The following RTL4 variants were observed in gnomAD, a reference collection of about 807,000 sequenced individuals.
RTL4 encodes the protein retrotransposon Gag like 4, also known as retrotransposon Gag-like protein 4.
A neutral mutation model predicts 5.3 loss-of-function variants in RTL4; 4 were observed. That is an observed-to-expected ratio of 0.75 (90% CI 0.37 to 1.72). The LOEUF is 1.72. Among genes scored for constraint, RTL4 ranks in the 40% most tolerant of loss-of-function variants. The pLI, the probability that RTL4 is intolerant of heterozygous loss-of-function variation, is 0.04. For missense variants in RTL4, 260 were observed against 227.1 expected (o/e 1.14, Z -0.93); for synonymous variants, 98 against 87.3 (o/e 1.12, Z -0.68).
At chrX:112,440,191 A>G in the RTL4 span, among the ~76,000 whole-genome samples, 1 of 112,098 alleles carries the variant, frequency 8.9e-6, no homozygotes, top group Admixed American at 9.5e-5. Flanking sequence ...AGCCATCCCT[A>G]GAGATATTGA....
the RTL4 span, among the ~76,000 whole-genome samples, chrX:112,440,320 T>G: frequency 1.8e-5 from 2 of 111,680 alleles, no homozygotes; most frequent in Non-Finnish European, 3.8e-5. Flanking sequence ...GGAACAAGTT[T>G]CTCTGGCGCA....
the RTL4 span, among the ~76,000 whole-genome samples, chrX:112,186,689 A>T: frequency 8.9e-6 from 1 of 112,004 alleles, no homozygotes; most frequent in Non-Finnish European, 1.9e-5. Context: ...GAATGCTGGG[A>T]TGTCAGAAAC....
chrX:112,249,777 TTA>T, the RTL4 span, among the ~76,000 whole-genome samples: 40 of 99,711 alleles, frequency 4.0e-4, no homozygotes, highest in African/African-American at 1.0e-3. Flanking sequence ...ATATATGTAA[TTA>T]TATATATATA....
chrX:112,436,216 C>G, the RTL4 span, among the ~76,000 whole-genome samples: 1 of 95,382 alleles, frequency 1.0e-5, no homozygotes, highest in South Asian at 5.1e-4. Context: ...CCATCTCAAA[C>G]ATAACAAAAC....
the RTL4 span, among the ~76,000 whole-genome samples, chrX:112,375,311 C>T: frequency 1.8e-5 from 2 of 110,994 alleles, no homozygotes; most frequent in East Asian, 5.8e-4. Context: ...CAAGTTGTCT[C>T]AAGTGGTTCT....
the RTL4 span, among the ~76,000 whole-genome samples, chrX:112,430,023 T>C: frequency 4.5e-5 from 5 of 111,631 alleles, no homozygotes; most frequent in African/African-American, 9.7e-5. Flanking sequence ...CTAGGTGTAT[T>C]TTCTGGCGTT....
At chrX:112,335,752 TTCA>T in the RTL4 span, among the ~76,000 whole-genome samples, 1 of 111,181 alleles carries the variant, frequency 9.0e-6, no homozygotes, top group Non-Finnish European at 1.9e-5. Flanking sequence ...AATTTTTATG[TTCA>T]TCTTTTTATT....
chrX:112,396,093 A>C, the RTL4 span, among the ~76,000 whole-genome samples: 3 of 111,582 alleles, frequency 2.7e-5, no homozygotes, highest in Admixed American at 1.9e-4. Context: ...TTTATTTGAC[A>C]CATAAGGCTT....
At chrX:112,226,663 G>A in the RTL4 span, among the ~76,000 whole-genome samples, 26,308 of 110,323 alleles carry the variant, frequency 0.24, 2,978 homozygotes, top group African/African-American at 0.45. Context: ...TAATTTATGG[G>A]AAGTGCCAGG....
At chrX:112,139,731 C>T in the RTL4 span, among the ~76,000 whole-genome samples, 1 of 112,131 alleles carries the variant, frequency 8.9e-6, no homozygotes, top group Admixed American at 9.4e-5. Flanking sequence ...TATGGTTTGG[C>T]TCTGTGCCCC....
At chrX:112,180,411 A>T in the RTL4 span, among the ~76,000 whole-genome samples, 1 of 112,007 alleles carries the variant, frequency 8.9e-6, no homozygotes, top group Admixed American at 9.5e-5. Flanking sequence ...TGAAAAGGAG[A>T]TAAAAATGGC....
At chrX:112,148,415 A>G in the RTL4 span, among the ~76,000 whole-genome samples, 7 of 111,002 alleles carry the variant, frequency 6.3e-5, no homozygotes, top group African/African-American at 2.3e-4. Flanking sequence ...GCAAGGGAGA[A>G]CACTGATATT....
the RTL4 span, among the ~76,000 whole-genome samples, chrX:112,114,954 C>T: frequency 1.2e-4 from 13 of 111,010 alleles, no homozygotes; most frequent in South Asian, 3.9e-4. Context: ...CATCAGAGAG[C>T]GAATATTGGG....
chrX:112,130,721 G>C, the RTL4 span, among the ~76,000 whole-genome samples: 16 of 108,600 alleles, frequency 1.5e-4, no homozygotes, highest in African/African-American at 5.4e-4. Flanking sequence ...TATTCTACAA[G>C]TACTGTATGT....
the RTL4 span, among the ~76,000 whole-genome samples, chrX:112,414,962 C>T: frequency 9.0e-6 from 1 of 111,610 alleles, no homozygotes; most frequent in African/African-American, 3.2e-5. Context: ...TTTTTCCGCA[C>T]TAGCTATTAT....
At chrX:112,232,826 T>C in the RTL4 span, among the ~76,000 whole-genome samples, 1 of 111,121 alleles carries the variant, frequency 9.0e-6, no homozygotes, top group Non-Finnish European at 1.9e-5. Context: ...CAGGAGACTT[T>C]CTTGGAAGCT....
At chrX:112,351,232 C>T in the RTL4 span, among the ~76,000 whole-genome samples, 7 of 109,238 alleles carry the variant, frequency 6.4e-5, no homozygotes, top group East Asian at 2.9e-4. Flanking sequence ...GTCTGAGAGA[C>T]AGTTTGTTAT....
At chrX:112,198,842 A>G in the RTL4 span, among the ~76,000 whole-genome samples, 1 of 111,103 alleles carries the variant, frequency 9.0e-6, no homozygotes, top group Admixed American at 9.7e-5. Context: ...GCGGAGTGTC[A>G]TGGAGTATAT....
chrX:112,294,519 A>G, the RTL4 span, among the ~76,000 whole-genome samples: 1 of 111,195 alleles, frequency 9.0e-6, no homozygotes, highest in African/African-American at 3.3e-5. Flanking sequence ...GAATCACTAG[A>G]ACCTGGGAAG....
Sources: gnomAD v4.1 joint callset for allele counts (sites outside exome capture counted in the v4.1 genomes callset) on GRCh38, gnomAD v4.1.1 for gene constraint, MANE v1.5 for transcripts, NCBI Gene and HGNC (gene_info 2026-07-23, HGNC 2026-07-21) for gene names.